WWOX: variants seen among roughly 807,000 people sequenced by gnomAD.
The protein encoded by WWOX is WW domain-containing oxidoreductase.
In WWOX, 69 loss-of-function variants were observed where a neutral mutation model predicts 46.2. The observed-to-expected ratio is 1.49, with a 90% confidence interval of 1.23 to 1.82. The LOEUF (loss-of-function observed/expected upper bound fraction) is 1.82. Among genes scored for constraint, WWOX ranks in the 40% most tolerant of loss-of-function variants. The pLI, the probability that WWOX is intolerant of heterozygous loss-of-function variation, is 0.00. For missense variants in WWOX, 919 were observed against 542.6 expected, an observed-to-expected ratio of 1.69 and a Z score of -6.89; for synonymous variants, 359 against 202.6, an observed-to-expected ratio of 1.77 and a Z score of -6.56.
intron 5 of WWOX, among the ~76,000 whole-genome samples, chr16:78,372,110 C>A (rs1180566512): frequency 6.6e-6 from 1 of 152,156 alleles, no homozygotes; most frequent in Non-Finnish European, 1.5e-5. Flanking sequence ...TAGTTGAGTG[C>A]CCTGCAAACT....
chr16:78,432,603 T>C lies in WWOX; in HGVS notation c.907T>C (p.Phe303Leu). Reference protein sequence around the residue: ...YNRSKLCNILFSNELHRRLSP... With the variant: ...YNRSKLCNILLSNELHRRLSP... ...CAGGTCCAAGCTCTGCAACATCCTC[T>C]TCTCCAACGAGCTGCACCGTCGCCT... The change falls in exon 8 of 9, where the codon TTC becomes CTC. Residue 303 changes from phenylalanine to leucine, a missense_variant. By Grantham distance (22) the Phe-to-Leu change is conservative. Coordinates refer to ENST00000566780, the MANE Select transcript of WWOX (RefSeq NM_016373.4). The C allele has an allele frequency of 6.2e-7, 1 of 1,614,236 alleles. No homozygotes were observed.
intron 8 of WWOX, among the ~76,000 whole-genome samples, chr16:78,929,999 C>G (rs1333930636): frequency 6.6e-6 from 1 of 152,162 alleles, no homozygotes; most frequent in Non-Finnish European, 1.5e-5. Context: ...CCATGTGACC[C>G]AGTTCTAGCG....
intron 8 of WWOX, among the ~76,000 whole-genome samples, chr16:78,572,729 A>G (rs2044748568): frequency 1.3e-5 from 2 of 152,166 alleles, no homozygotes; most frequent in Admixed American, 1.3e-4. Context: ...TATAAAGAAA[A>G]CCAAGGGAAT....
intron 5 of WWOX, among the ~76,000 whole-genome samples, chr16:78,333,496 T>C (rs2151893966): frequency 6.6e-6 from 1 of 152,318 alleles, no homozygotes; most frequent in South Asian, 2.1e-4. Context: ...AAAAATATTT[T>C]GACAGAATTT....
intron 8 of WWOX, among the ~76,000 whole-genome samples, chr16:79,078,921 C>T (rs928757676): frequency 6.6e-6 from 1 of 152,140 alleles, no homozygotes; most frequent in African/African-American, 2.4e-5. Flanking sequence ...CCCTGTTAGG[C>T]CTCTCCCAAC....
intron 8 of WWOX, among the ~76,000 whole-genome samples, chr16:78,645,731 C>T (rs1292132525): frequency 2.6e-5 from 4 of 152,268 alleles, no homozygotes; most frequent in Non-Finnish European, 2.9e-5. Context: ...CTGTCATCAG[C>T]CACGGCCTCC....
At chr16:79,118,192 G>A (rs8056476) in intron 8 of WWOX, among the ~76,000 whole-genome samples, 13,858 of 152,224 alleles carry the variant, frequency 0.091, 1,157 homozygotes, top group African/African-American at 0.23. Context: ...TTGAAGGGTT[G>A]TAAGTTTGCC....
chr16:78,701,393 G>C (rs2048213335), intron 8 of WWOX, among the ~76,000 whole-genome samples: 1 of 151,862 alleles, frequency 6.6e-6, no homozygotes, highest in Non-Finnish European at 1.5e-5. Context: ...CCTTCTTTTT[G>C]ATCTTCTGAA....
At chr16:78,883,692 C>G (rs1159447083) in intron 8 of WWOX, among the ~76,000 whole-genome samples, 3 of 151,332 alleles carry the variant, frequency 2.0e-5, no homozygotes, top group South Asian at 4.2e-4. Flanking sequence ...CTACTGTACT[C>G]CAGCCTGGGC....
chr16:78,888,730 C>A (rs895541792), intron 8 of WWOX, among the ~76,000 whole-genome samples: 1 of 152,164 alleles, frequency 6.6e-6, no homozygotes, highest in Non-Finnish European at 1.5e-5. Flanking sequence ...GACTAGACAA[C>A]GAAATACATT....
chr16:78,435,648 T>C (rs2083319002), intron 8 of WWOX, among the ~76,000 whole-genome samples: 1 of 152,014 alleles, frequency 6.6e-6, no homozygotes, highest in African/African-American at 2.4e-5. Context: ...TCCCTTGTAG[T>C]TGAGATGGGA....
intron 8 of WWOX, among the ~76,000 whole-genome samples, chr16:78,690,789 AC>A (rs1443138014): frequency 6.6e-6 from 1 of 152,290 alleles, no homozygotes; most frequent in African/African-American, 2.4e-5. Flanking sequence ...TTCTATATAA[AC>A]CGTTCAGTAA....
At chr16:79,205,620 C>T (rs911705113) in intron 8 of WWOX, 4 of 152,178 alleles carry the variant, frequency 2.6e-5, no homozygotes, top group African/African-American at 9.7e-5. Context: ...GTGCATTCCT[C>T]TTCTATAATA....
intron 5 of WWOX, among the ~76,000 whole-genome samples, chr16:78,189,666 T>C (rs959424582): frequency 2.0e-5 from 3 of 152,186 alleles, no homozygotes; most frequent in African/African-American, 7.2e-5. Flanking sequence ...TTAACTTATT[T>C]ATTTTTGAGT....
At chr16:78,274,046 T>G (rs999640980) in intron 5 of WWOX, among the ~76,000 whole-genome samples, 1 of 152,214 alleles carries the variant, frequency 6.6e-6, no homozygotes, top group African/African-American at 2.4e-5. Context: ...ATTGCTTAGG[T>G]GTTTTCAAAC....
At chr16:78,936,546 T>A (rs902093061) in intron 8 of WWOX, among the ~76,000 whole-genome samples, 1 of 152,158 alleles carries the variant, frequency 6.6e-6, no homozygotes, top group South Asian at 2.1e-4. Context: ...TTAAGCTGCT[T>A]TCTGGTAAGA....
intron 8 of WWOX, among the ~76,000 whole-genome samples, chr16:78,609,153 T>C (rs1484722885): frequency 6.6e-6 from 1 of 152,224 alleles, no homozygotes; most frequent in Non-Finnish European, 1.5e-5. Context: ...ATATTTGAAA[T>C]CTTTCTATCC....
At chr16:78,176,710 C>T (rs924617219) in intron 5 of WWOX, among the ~76,000 whole-genome samples, 3 of 152,148 alleles carry the variant, frequency 2.0e-5, no homozygotes, top group African/African-American at 7.2e-5. Flanking sequence ...TAAGTTATTA[C>T]TGAACTTTAA....
chr16:78,145,037 A>T (rs1193222937), intron 4 of WWOX, among the ~76,000 whole-genome samples: 1 of 152,184 alleles, frequency 6.6e-6, no homozygotes, highest in Non-Finnish European at 1.5e-5. Context: ...TGCTGTAACA[A>T]AGCACCACAA....
Sources: gnomAD v4.1 joint callset for allele counts (sites outside exome capture counted in the v4.1 genomes callset) on GRCh38, gnomAD v4.1.1 for gene constraint, MANE v1.5 for transcripts, NCBI Gene and HGNC (gene_info 2026-07-23, HGNC 2026-07-21) for gene names.